Variants in ARL15 observed in about 807,000 individuals in gnomAD.
The protein encoded by ARL15 is ADP-ribosylation factor-like protein 15.
In ARL15, 19 loss-of-function variants were observed where a neutral mutation model predicts 25.2. The observed-to-expected ratio is 0.75, with a 90% CI of 0.53 to 1.10. The LOEUF (loss-of-function observed/expected upper bound fraction) is 1.10. Ranked by LOEUF, ARL15 falls within the 50% of genes least tolerant of loss-of-function variation. The probability of loss-of-function intolerance (pLI) is 0.00; values close to 1 mark genes in which losing one functional copy is unlikely to be tolerated. For synonymous variants in ARL15, 94 were observed against 86.8 expected (o/e 1.08, Z -0.46); for missense variants, 220 against 246.0 (o/e 0.89, Z 0.71).
intron 3 of ARL15, among the ~76,000 whole-genome samples, chr5:54,123,470 C>G (rs556196040): frequency 6.6e-5 from 10 of 152,288 alleles, no homozygotes; most frequent in Admixed American, 5.9e-4. Flanking sequence ...TAAAGCGGTA[C>G]AGTCCCTTTT....
intron 4 of ARL15, among the ~76,000 whole-genome samples, chr5:54,000,169 G>C (rs184049995): frequency 0.014 from 2,084 of 152,152 alleles, 35 homozygotes; most frequent in Non-Finnish European, 0.016. Flanking sequence ...TTTTAAGTTT[G>C]GAGGAGGCTC....
At chr5:53,906,248 T>G (rs1745247032) in intron 4 of ARL15, among the ~76,000 whole-genome samples, 1 of 152,196 alleles carries the variant, frequency 6.6e-6, no homozygotes, top group Non-Finnish European at 1.5e-5. Flanking sequence ...GTTGAACTGC[T>G]TTTTGGCACC....
At chr5:54,275,851 ATTT>A (rs758344540) in intron 1 of ARL15, among the ~76,000 whole-genome samples, 28 of 136,916 alleles carry the variant, frequency 2.0e-4, no homozygotes, top group African/African-American at 6.7e-4. Context: ...CGCCTGGCTA[ATTT>A]TTTTTTTTTT....
intron 4 of ARL15, among the ~76,000 whole-genome samples, chr5:53,922,617 A>C (rs1490510669): frequency 2.6e-5 from 4 of 152,182 alleles, no homozygotes; most frequent in Non-Finnish European, 5.9e-5. Context: ...TTTGGTTGTG[A>C]AATTGTGGAG....
At chr5:54,056,804 C>G (rs1750887146) in intron 4 of ARL15, among the ~76,000 whole-genome samples, 2 of 152,064 alleles carry the variant, frequency 1.3e-5, no homozygotes, top group Admixed American at 6.6e-5. Context: ...CTGTCTTTTA[C>G]TAACTGCTTA....
At chr5:54,013,957 T>C (rs1407485973) in intron 4 of ARL15, among the ~76,000 whole-genome samples, 5 of 152,166 alleles carry the variant, frequency 3.3e-5, no homozygotes, top group Non-Finnish European at 7.3e-5. Context: ...TTGAACTCTT[T>C]CTCTAATGCA....
chr5:54,227,549 C>G (rs923346118), intron 1 of ARL15, among the ~76,000 whole-genome samples: 2 of 152,160 alleles, frequency 1.3e-5, no homozygotes, highest in African/African-American at 4.8e-5. Flanking sequence ...GAATTTAGCC[C>G]TTTCCACTAA....
chr5:54,287,815 C>T (rs1044055968), intron 1 of ARL15, among the ~76,000 whole-genome samples: 8 of 152,170 alleles, frequency 5.3e-5, no homozygotes, highest in East Asian at 1.9e-4. Context: ...CAAGATGCCA[C>T]AGCTGATTGA....
chr5:54,108,679 ATAATT>A (rs1752653894), intron 4 of ARL15, among the ~76,000 whole-genome samples: 1 of 152,098 alleles, frequency 6.6e-6, no homozygotes, highest in African/African-American at 2.4e-5. Context: ...TAAATATAAA[ATAATT>A]TAAACTATAG....
chr5:53,941,360 A>C lies in ARL15; in HGVS notation c.463-54647T>G, dbSNP rs116391275. Among the ~76,000 whole-genome samples the C allele has an allele frequency of 5.8e-3, 888 of 152,282 alleles. 12 individuals carry two copies. The highest frequency in any genetic ancestry group is 0.02 in the African/African-American group (851 of 41,544). On this transcript the variant is annotated intron_variant, in intron 4 of 4. Transcript: ENST00000504924. ...AACAGAATGAAACAGATAATAAATA[A>C]ATTTCTATATCCAAGGTAGATCTTT...
At chr5:53,953,980 T>G (rs1465914626) in intron 4 of ARL15, among the ~76,000 whole-genome samples, 1 of 151,982 alleles carries the variant, frequency 6.6e-6, no homozygotes, top group Non-Finnish European at 1.5e-5. Flanking sequence ...ACATATGGTA[T>G]AAGAATAGCA....
intron 4 of ARL15, among the ~76,000 whole-genome samples, chr5:54,044,000 C>T (rs1200983602): frequency 6.6e-6 from 1 of 152,026 alleles, no homozygotes; most frequent in Non-Finnish European, 1.5e-5. Context: ...GAGAGCCTAT[C>T]TCAAAACAAA....
At chr5:54,043,676 C>T (rs921238746) in intron 4 of ARL15, among the ~76,000 whole-genome samples, 11 of 152,018 alleles carry the variant, frequency 7.2e-5, no homozygotes, top group African/African-American at 2.7e-4. Flanking sequence ...GGGCTGAGCA[C>T]CATCAGGCAT....
At chr5:53,941,492 G>T (rs1383804141) in intron 4 of ARL15, among the ~76,000 whole-genome samples, 2 of 152,150 alleles carry the variant, frequency 1.3e-5, no homozygotes, top group Non-Finnish European at 2.9e-5. Flanking sequence ...ATTTTCTTAA[G>T]AATCAAAAAA....
At chr5:53,995,695 C>T (rs1008135712) in intron 4 of ARL15, among the ~76,000 whole-genome samples, 1 of 152,166 alleles carries the variant, frequency 6.6e-6, no homozygotes, top group Non-Finnish European at 1.5e-5. Flanking sequence ...GAGGATGCTC[C>T]TGGCATTTAA....
chr5:54,226,085 C>T (rs192770068), intron 1 of ARL15, among the ~76,000 whole-genome samples: 142 of 151,984 alleles, frequency 9.3e-4, no homozygotes, highest in Middle Eastern at 6.8e-3. Context: ...GATATAGACA[C>T]GGGGGGAGTG....
chr5:54,221,712 A>G (rs1227931512), intron 1 of ARL15, among the ~76,000 whole-genome samples: 1 of 152,184 alleles, frequency 6.6e-6, no homozygotes, highest in Non-Finnish European at 1.5e-5. Context: ...AACTAGATAT[A>G]AACAAGCCAC....
At chr5:54,008,195 G>T (rs1309045084) in intron 4 of ARL15, among the ~76,000 whole-genome samples, 1 of 152,170 alleles carries the variant, frequency 6.6e-6, no homozygotes, top group Non-Finnish European at 1.5e-5. Flanking sequence ...AACACTACAT[G>T]TAAGAGTGAG....
chr5:54,065,602 T>A (rs544356420), intron 4 of ARL15, among the ~76,000 whole-genome samples: 1 of 102,438 alleles, frequency 9.8e-6, no homozygotes, highest in East Asian at 2.4e-4. Flanking sequence ...GGAGGTGGGG[T>A]GGTTGCAGTG....
Sources: gnomAD v4.1 joint callset for allele counts (sites outside exome capture counted in the v4.1 genomes callset) on GRCh38, gnomAD v4.1.1 for gene constraint, MANE v1.5 for transcripts, NCBI Gene and HGNC (gene_info 2026-07-23, HGNC 2026-07-21) for gene names.